Variants in IDO2 observed in about 807,000 individuals in gnomAD.
IDO2 encodes the protein indoleamine 2,3-dioxygenase 2.
IDO2 carries 46 observed loss-of-function variants against 45.1 expected under a neutral mutation model. The ratio of observed to expected loss-of-function variants is 1.02; its 90% CI spans 0.80 to 1.30. The LOEUF is 1.30. Among genes scored for constraint, IDO2 ranks in the 50% most tolerant of loss-of-function variants. The probability of loss-of-function intolerance (pLI) is 0.00; values close to 1 mark genes in which losing one functional copy is unlikely to be tolerated. For missense variants in IDO2, 544 were observed against 491.8 expected (o/e 1.11, Z -1.00); for synonymous variants, 218 against 184.9 (o/e 1.18, Z -1.45).
At chr8:39,958,010 A>G (rs1807928841) in intron 2 of IDO2, among the ~76,000 whole-genome samples, 1 of 151,260 alleles carries the variant, frequency 6.6e-6, no homozygotes. Context: ...GGTTCACGCC[A>G]TTCTCCCGCC....
chr8:39,951,918 T>C (rs1197868150), intron 2 of IDO2, among the ~76,000 whole-genome samples: 1 of 152,226 alleles, frequency 6.6e-6, no homozygotes, highest in Non-Finnish European at 1.5e-5. Context: ...CGGCATCAGG[T>C]TCTTGTGATG....
chr8:40,002,344 A>G (rs1357611413), intron 8 of IDO2, among the ~76,000 whole-genome samples: 2 of 152,122 alleles, frequency 1.3e-5, no homozygotes, highest in African/African-American at 4.8e-5. Context: ...CTGCAACGAT[A>G]TCATCTGCCT....
chr8:40,009,604 T>C (rs1802280977), intron 9 of IDO2, among the ~76,000 whole-genome samples: 1 of 152,170 alleles, frequency 6.6e-6, no homozygotes, highest in East Asian at 1.9e-4. Context: ...CCTGAGAATG[T>C]ATGGGAGCAA....
chr8:40,015,736 T>A (rs1802378836), exon 11 of IDO2: 2 of 666,378 alleles, frequency 3.0e-6, no homozygotes, highest in Non-Finnish European at 5.2e-6. Flanking sequence ...TACAGAGCAC[T>A]ATATTCTCCT....
At chr8:39,947,410 C>G (rs1421020341) in intron 1 of IDO2, among the ~76,000 whole-genome samples, 1 of 152,120 alleles carries the variant, frequency 6.6e-6, no homozygotes, top group Non-Finnish European at 1.5e-5. Flanking sequence ...ACAATTTAGC[C>G]TAAATATTTT....
chr8:40,000,837 C>T (rs1802123344), intron 8 of IDO2, among the ~76,000 whole-genome samples: 1 of 152,158 alleles, frequency 6.6e-6, no homozygotes, highest in Admixed American at 6.5e-5. Context: ...GAAATTCCAC[C>T]TCCCCATCAC....
At chr8:40,011,693 C>T (rs1585423075) in intron 9 of IDO2, among the ~76,000 whole-genome samples, 1 of 152,120 alleles carries the variant, frequency 6.6e-6, no homozygotes, top group African/African-American at 2.4e-5. Flanking sequence ...ATGTTCCAGG[C>T]CCTGGGCAGG....
At chr8:40,002,405 G>A (rs945161650) in intron 8 of IDO2, among the ~76,000 whole-genome samples, 6 of 152,058 alleles carry the variant, frequency 3.9e-5, no homozygotes, top group Non-Finnish European at 7.4e-5. Flanking sequence ...AGCAAACCCC[G>A]TCACCTTGCT....
intron 8 of IDO2, 83 bp from the exon 9 acceptor site, chr8:40,005,244 C>T (rs1222784015): frequency 1.3e-5 from 11 of 848,266 alleles, no homozygotes; most frequent in East Asian, 5.2e-5. Context: ...GAAGGAACTC[C>T]GGGACAGCAG....
intron 1 of IDO2, among the ~76,000 whole-genome samples, chr8:39,944,837 G>A (rs62513111): frequency 0.2 from 29,958 of 152,118 alleles, 3,219 homozygotes; most frequent in South Asian, 0.32. Context: ...AGCGATAGCC[G>A]TCTCTCGGTC....
chr8:39,935,824 T>A (rs1344204456), intron 1 of IDO2, among the ~76,000 whole-genome samples: 1 of 152,224 alleles, frequency 6.6e-6, no homozygotes, highest in Non-Finnish European at 1.5e-5. Flanking sequence ...TGGCAGATTA[T>A]GAAATAGCAA....
At chr8:40,015,217 T>G in intron 10 of IDO2, 30 bp from the exon 11 acceptor site, 1 of 1,238,668 alleles carries the variant, frequency 8.1e-7, no homozygotes, top group East Asian at 2.3e-5. Context: ...CATGTGGAGC[T>G]ATGACGTTAT....
intron 1 of IDO2, among the ~76,000 whole-genome samples, chr8:39,941,723 G>T (rs1807645735): frequency 6.6e-6 from 1 of 152,104 alleles, no homozygotes; most frequent in Non-Finnish European, 1.5e-5. Flanking sequence ...GTTTAGGGAT[G>T]AAATAGAAAA....
chr8:39,940,493 G>A (rs1197878151), intron 1 of IDO2, among the ~76,000 whole-genome samples: 2 of 152,166 alleles, frequency 1.3e-5, no homozygotes, highest in Admixed American at 6.5e-5. Flanking sequence ...ATTGATTGTA[G>A]AATTTTGCAG....
At chr8:39,971,875 C>G (rs961006578) in intron 3 of IDO2, among the ~76,000 whole-genome samples, 2 of 151,920 alleles carry the variant, frequency 1.3e-5, no homozygotes, top group African/African-American at 4.8e-5. Context: ...GTGGCGCAAT[C>G]TTGGCTCACT....
intron 2 of IDO2, among the ~76,000 whole-genome samples, chr8:39,957,049 A>AAAG: frequency 6.6e-6 from 1 of 150,958 alleles, no homozygotes; most frequent in African/African-American, 2.4e-5. Flanking sequence ...TCTCAAAAAA[A>AAAG]AAAAAAAAAA....
intron 1 of IDO2, among the ~76,000 whole-genome samples, chr8:39,941,505 C>T (rs1807642612): frequency 1.3e-5 from 2 of 152,054 alleles, no homozygotes; most frequent in South Asian, 4.1e-4. Context: ...ATTTCATTAA[C>T]AATGAGGAGC....
intron 8 of IDO2, among the ~76,000 whole-genome samples, chr8:40,003,111 A>G (rs1258171560): frequency 1.3e-5 from 2 of 151,976 alleles, no homozygotes; most frequent in Non-Finnish European, 2.9e-5. Context: ...ACATGGTATA[A>G]GAGAGTATAT....
chr8:39,938,220 A>G (rs1315102930), intron 1 of IDO2, among the ~76,000 whole-genome samples: 2 of 152,284 alleles, frequency 1.3e-5, no homozygotes, highest in South Asian at 2.1e-4. Flanking sequence ...AGGTGGGACA[A>G]TCACTTAAGC....
Sources: allele counts gnomAD v4.1 joint callset (sites outside exome capture counted in the v4.1 genomes callset), GRCh38; gene constraint gnomAD v4.1.1; transcripts MANE v1.5; gene names NCBI Gene and HGNC (gene_info 2026-07-23, HGNC 2026-07-21).